The following GSAP variants were observed in gnomAD, a reference collection of about 807,000 sequenced individuals.
GSAP encodes the protein gamma-secretase activating protein.
Under a neutral mutation model 131.7 loss-of-function variants are expected in GSAP, and 118 were observed. The observed-to-expected ratio is 0.90, with a 90% CI of 0.77 to 1.04. The LOEUF (loss-of-function observed/expected upper bound fraction) is 1.04, where lower values mean the gene tolerates loss of function less well. Among genes scored for constraint, GSAP ranks in the 50% least tolerant of loss-of-function variants. GSAP has a pLI of 0.00. For missense variants in GSAP, 1,019 were observed against 1,013.2 expected (o/e 1.01, Z -0.08); for synonymous variants, 381 against 363.4 (o/e 1.05, Z -0.55).
chr7:77,406,680 G>A (rs923945707), intron 1 of GSAP, among the ~76,000 whole-genome samples: 2 of 152,190 alleles, frequency 1.3e-5, no homozygotes, highest in African/African-American at 4.8e-5. Context: ...AATGTCCCTG[G>A]TCTATTTTCT....
intron 8 of GSAP, 144 bp from the exon 9 acceptor site, chr7:77,377,534 C>A: frequency 3.1e-6 from 3 of 982,120 alleles, no homozygotes; most frequent in Non-Finnish European, 2.8e-6. Context: ...GCTCCCCACC[C>A]CTAGTATACA....
intron 5 of GSAP, among the ~76,000 whole-genome samples, chr7:77,389,380 A>T (rs1469842344): frequency 1.4e-5 from 2 of 144,886 alleles, no homozygotes; most frequent in Admixed American, 6.9e-5. Context: ...CTACAAAAAT[A>T]AAAAAAAAAA....
At chr7:77,349,480 T>G in intron 18 of GSAP, 76 bp from the exon 19 acceptor site, 1 of 1,266,276 alleles carries the variant, frequency 7.9e-7, no homozygotes, top group Admixed American at 1.7e-5. Context: ...CAGGGAGTGT[T>G]TTCTGCACAG....
At chr7:77,391,697 T>G (rs1799574602) in intron 5 of GSAP, among the ~76,000 whole-genome samples, 1 of 151,956 alleles carries the variant, frequency 6.6e-6, no homozygotes, top group South Asian at 2.1e-4. Context: ...AAGCTGGACA[T>G]GGTGGTGTGT....
At chr7:77,324,826 C>CTTTTTTTTTTTT (rs150930764) in intron 23 of GSAP, among the ~76,000 whole-genome samples, 1 of 97,314 alleles carries the variant, frequency 1.0e-5, no homozygotes, top group Non-Finnish European at 1.9e-5. Flanking sequence ...GTTTGCCATA[C>CTTTTTTTTTTTT]TTTTTTTTTT....
chr7:77,403,471 ATTG>A (rs1323207968), intron 3 of GSAP, among the ~76,000 whole-genome samples: 1 of 152,222 alleles, frequency 6.6e-6, no homozygotes, highest in Non-Finnish European at 1.5e-5. Context: ...TCAATTCTAA[ATTG>A]TTTTTACATA....
At chr7:77,328,032 T>C (rs1428450400) in intron 22 of GSAP, 1 of 171,946 alleles carries the variant, frequency 5.8e-6, no homozygotes, top group African/African-American at 2.4e-5. Context: ...CTCACTCCCC[T>C]AAGGACAGTG....
intron 19 of GSAP, among the ~76,000 whole-genome samples, chr7:77,343,017 G>C (rs961522111): frequency 6.6e-6 from 1 of 152,060 alleles, no homozygotes; most frequent in Non-Finnish European, 1.5e-5. Context: ...TCCCACACTA[G>C]CTCTCCCTAA....
intron 28 of GSAP, 101 bp from the exon 29 acceptor site, chr7:77,312,303 G>C: frequency 3.3e-6 from 2 of 614,642 alleles, no homozygotes; most frequent in South Asian, 2.2e-5. Flanking sequence ...TTCCAAAGTA[G>C]CTGGTTAGTC....
chr7:77,326,357 C>G (rs944456234), intron 22 of GSAP, 84 bp from the exon 23 acceptor site: 1 of 891,856 alleles, frequency 1.1e-6, no homozygotes, highest in Non-Finnish European at 1.8e-6. Flanking sequence ...CTGGGTTTCC[C>G]TTCTCTGAGT....
At chr7:77,374,286 C>T (rs545795622) in intron 11 of GSAP, 131 bp from the exon 12 acceptor site, 6 of 549,622 alleles carry the variant, frequency 1.1e-5, no homozygotes, top group African/African-American at 5.9e-5. Context: ...AAGTAGATAA[C>T]TTTTTTTGGT....
chr7:77,360,129 T>A (rs56912086), intron 14 of GSAP, among the ~76,000 whole-genome samples: 2,163 of 152,328 alleles, frequency 0.014, 45 homozygotes, highest in African/African-American at 0.049. Context: ...GAAAAAGATA[T>A]CAAAGAATTA....
intron 17 of GSAP, among the ~76,000 whole-genome samples, chr7:77,353,327 A>T (rs6955608): frequency 0.054 from 8,169 of 152,248 alleles, 269 homozygotes; most frequent in South Asian, 0.12. Flanking sequence ...AAAATCACTA[A>T]TAAGGTTATA....
chr7:77,387,528 T>A (rs1798757703), intron 5 of GSAP, 80 bp from the exon 6 acceptor site: 2 of 782,178 alleles, frequency 2.6e-6, no homozygotes, highest in Non-Finnish European at 2.3e-6. Flanking sequence ...GTAAGAACAA[T>A]TTCCGGTAAA....
At chr7:77,362,735 T>G (rs1794724300) in intron 12 of GSAP, 75 bp from the exon 13 acceptor site, 4 of 814,136 alleles carry the variant, frequency 4.9e-6, no homozygotes, top group Non-Finnish European at 8.5e-6. Context: ...CCACTTAAAC[T>G]TACTTCTATT....
intron 27 of GSAP, 121 bp downstream of exon 27, chr7:77,314,249 G>T: frequency 2.1e-6 from 2 of 931,268 alleles, no homozygotes; most frequent in East Asian, 2.5e-5. Context: ...ATTAAACTGA[G>T]CAGGGCACTC....
chr7:77,371,431 CTT>C (rs71085450), intron 12 of GSAP, among the ~76,000 whole-genome samples: 21,673 of 141,272 alleles, frequency 0.15, 2,279 homozygotes, highest in East Asian at 0.39. Flanking sequence ...CATCTTTTTT[CTT>C]TTTTTTTTTT....
At position 77,339,353 on chromosome 7, in the gene GSAP, C is replaced by G. The variant is rs550960528; in HGVS notation, c.1546-8986G>C. 1.4e-4 allele frequency among the ~76,000 whole-genome samples: 22 copies of G among 152,212 alleles called. No individual in the cohort carries two copies. The South Asian group carries it at 4.6e-3, about 32-fold the overall frequency. ...AATGAGAATCTCCTGATTAGAGTCT[C>G]CCATGCTGAGCATTTGGGGTAGGTG... On this transcript the variant is annotated intron_variant, in intron 19 of 30. Transcript: ENST00000257626.
chr7:77,368,567 T>C (rs1386595749), intron 12 of GSAP, among the ~76,000 whole-genome samples: 1 of 152,190 alleles, frequency 6.6e-6, no homozygotes, highest in East Asian at 1.9e-4. Context: ...CTCAGGCATT[T>C]GTATTTTTTA....
Sources: gnomAD v4.1 joint callset for allele counts (sites outside exome capture counted in the v4.1 genomes callset) on GRCh38, gnomAD v4.1.1 for gene constraint, MANE v1.5 for transcripts, NCBI Gene and HGNC (gene_info 2026-07-23, HGNC 2026-07-21) for gene names.